Variants in ZNF385D observed in about 807,000 individuals in gnomAD.
The protein encoded by ZNF385D is zinc finger protein 385D.
Under a neutral mutation model 35.8 loss-of-function variants are expected in ZNF385D, and 15 were observed. That is an observed-to-expected ratio of 0.42 (90% CI 0.28 to 0.64). ZNF385D has a LOEUF of 0.64. ZNF385D is among the 30% of genes least tolerant of loss of function. The pLI, the probability that ZNF385D is intolerant of heterozygous loss-of-function variation, is 0.23. For missense variants in ZNF385D, 474 were observed against 494.6 expected (o/e 0.96, Z 0.39); for synonymous variants, 212 against 186.8 (o/e 1.13, Z -1.10).
At chr3:21,863,137 A>C (rs1195294130) in intron 3 of ZNF385D, among the ~76,000 whole-genome samples, 1 of 152,184 alleles carries the variant, frequency 6.6e-6, no homozygotes, top group Non-Finnish European at 1.5e-5. Context: ...CATGTTGGTA[A>C]AACATATTAG....
intron 3 of ZNF385D, chr3:21,978,313 G>A (rs1384952727): frequency 1.3e-5 from 2 of 152,176 alleles, no homozygotes; most frequent in Non-Finnish European, 2.9e-5. Flanking sequence ...ATCAATGTTT[G>A]CTGTCTATCT....
At chr3:21,872,934 G>C (rs959603742) in intron 3 of ZNF385D, among the ~76,000 whole-genome samples, 1 of 151,990 alleles carries the variant, frequency 6.6e-6, no homozygotes, top group African/African-American at 2.4e-5. Context: ...CAATGGCTTT[G>C]GTGTGCATCC....
At chr3:22,332,757 CCTG>C (rs1484939424) in intron 2 of ZNF385D, among the ~76,000 whole-genome samples, 1 of 152,068 alleles carries the variant, frequency 6.6e-6, no homozygotes, top group African/African-American at 2.4e-5. Flanking sequence ...AAACCATTAT[CCTG>C]TGAAAGAATA....
intron 1 of ZNF385D, among the ~76,000 whole-genome samples, chr3:21,708,157 T>A (rs746659995): frequency 2.0e-5 from 3 of 152,192 alleles, no homozygotes; most frequent in Non-Finnish European, 4.4e-5. Flanking sequence ...CAGTTTAAAT[T>A]TGTTGGTGCT....
At chr3:21,962,020 A>G (rs942408907) in intron 3 of ZNF385D, among the ~76,000 whole-genome samples, 1 of 152,140 alleles carries the variant, frequency 6.6e-6, no homozygotes, top group African/African-American at 2.4e-5. Flanking sequence ...CCTTAATCCT[A>G]AGAGCAACAG....
Position 21,426,874 on chromosome 3 carries a change from G to A in ZNF385D, c.674-1204C>T, listed in dbSNP as rs139416017. Among the ~76,000 whole-genome samples, 446 of 152,208 alleles carry A rather than the reference G, an allele frequency of 2.9e-3. 3 individuals carry two copies. The highest frequency in any genetic ancestry group is 0.01 in the African/African-American group (430 of 41,532). ...GCCACATGTTTCCCTTCTTCAAAAT[G>A]ATTACATTTTACTGAGTCCAATGTA... On this transcript the variant is annotated intron_variant, in intron 5 of 7. Transcript: ENST00000281523.
At chr3:22,346,126 G>C (rs542837810) in intron 2 of ZNF385D, among the ~76,000 whole-genome samples, 1 of 152,220 alleles carries the variant, frequency 6.6e-6, no homozygotes, top group African/African-American at 2.4e-5. Context: ...GGCACTCCCT[G>C]ACATACATGA....
chr3:22,308,908 A>T (rs1047777210), intron 2 of ZNF385D, among the ~76,000 whole-genome samples: 2 of 152,120 alleles, frequency 1.3e-5, no homozygotes, highest in African/African-American at 4.8e-5. Context: ...GCAAGTTAAT[A>T]AATTTGAAAA....
chr3:21,886,857 G>T (rs1698573435), intron 3 of ZNF385D, among the ~76,000 whole-genome samples: 2 of 152,060 alleles, frequency 1.3e-5, no homozygotes, highest in Non-Finnish European at 2.9e-5. Flanking sequence ...ATTTTTCCCT[G>T]TGGTGTGATT....
chr3:21,561,786 A>G (rs1006607309), intron 3 of ZNF385D: 1 of 151,786 alleles, frequency 6.6e-6, no homozygotes, highest in Non-Finnish European at 1.5e-5. Context: ...GTGCCCCAAA[A>G]CAATCACAAT....
chr3:22,336,929 A>AAAAAAAAAAAAC (rs1695194192), intron 2 of ZNF385D, among the ~76,000 whole-genome samples: 1 of 146,058 alleles, frequency 6.8e-6, no homozygotes, highest in Non-Finnish European at 1.5e-5. Context: ...AAAAAAAAAA[A>AAAAAAAAAAAAC]AAAAAAAACC....
intron 3 of ZNF385D, among the ~76,000 whole-genome samples, chr3:22,048,944 T>C (rs774247925): frequency 2.0e-5 from 3 of 152,194 alleles, no homozygotes; most frequent in Non-Finnish European, 4.4e-5. Flanking sequence ...TAATTTTTAG[T>C]CTACAGACTA....
intron 2 of ZNF385D, among the ~76,000 whole-genome samples, chr3:22,225,329 T>A (rs1374423652): frequency 1.3e-5 from 2 of 152,170 alleles, no homozygotes; most frequent in Non-Finnish European, 1.5e-5. Context: ...TGTCAGGGCA[T>A]GTGTTTCTTT....
intron 3 of ZNF385D, among the ~76,000 whole-genome samples, chr3:22,030,278 T>TATATATATCCTATACAAATAACAAATAGG (rs1553591296): frequency 9.1e-6 from 1 of 110,472 alleles, no homozygotes; most frequent in African/African-American, 3.7e-5. Context: ...TATATATATA[T>TATATATATCCTATACAAATAACAAATAGG]ATATATATAT....
chr3:21,759,541 A>G (rs527696603), intron 3 of ZNF385D, among the ~76,000 whole-genome samples: 82 of 152,304 alleles, frequency 5.4e-4, no homozygotes, highest in African/African-American at 1.8e-3. Flanking sequence ...AAGGACAGAA[A>G]TATAATAATA....
chr3:21,915,975 T>A (rs1700176516), intron 3 of ZNF385D, among the ~76,000 whole-genome samples: 1 of 152,090 alleles, frequency 6.6e-6, no homozygotes. Flanking sequence ...TTCATCAAAT[T>A]CCAGTGTAAA....
At chr3:21,945,641 A>G (rs1701744189) in intron 3 of ZNF385D, among the ~76,000 whole-genome samples, 1 of 152,110 alleles carries the variant, frequency 6.6e-6, no homozygotes, top group Non-Finnish European at 1.5e-5. Context: ...ATCTTCAAAA[A>G]CTTATTTCGT....
rs1336905565 is a variant in ZNF385D at position 22,080,582 on chromosome 3, T to C, written c.325+88235A>G. Among the ~76,000 whole-genome samples the C allele has an allele frequency of 2.0e-5, 3 of 151,994 alleles. No individual in the cohort carries two copies. The East Asian group carries it at 5.8e-4, about 29-fold the overall frequency. On this transcript the variant is annotated intron_variant, in intron 3 of 5. Transcript: ENST00000494108. ...ATGGTTGTAATAGCTACAGATTTTA[T>C]ATATAAAAAATTTTATATTTTATAT...
intron 1 of ZNF385D, among the ~76,000 whole-genome samples, chr3:21,666,849 G>A (rs1407958647): frequency 2.0e-5 from 3 of 152,112 alleles, no homozygotes; most frequent in East Asian, 3.9e-4. Flanking sequence ...AGGTCAAGGC[G>A]GATGGATCAC....
Sources: allele counts gnomAD v4.1 joint callset (sites outside exome capture counted in the v4.1 genomes callset), GRCh38; gene constraint gnomAD v4.1.1; transcripts MANE v1.5; gene names NCBI Gene and HGNC (gene_info 2026-07-23, HGNC 2026-07-21).